SH3RF3: variants seen among roughly 807,000 people sequenced by gnomAD.
SH3RF3 encodes the protein E3 ubiquitin-protein ligase SH3RF3.
Under a neutral mutation model 66.3 loss-of-function variants are expected in SH3RF3, and 29 were observed. The observed-to-expected ratio is 0.44, with a 90% CI of 0.33 to 0.60. The LOEUF is 0.60. Ranked by LOEUF, SH3RF3 falls within the 20% of genes least tolerant of loss-of-function variation. The pLI, the probability that SH3RF3 is intolerant of heterozygous loss-of-function variation, is 0.04. For synonymous variants in SH3RF3, 583 were observed against 532.0 expected (o/e 1.10, Z -1.32); for missense variants, 1,194 against 1,190.9 (o/e 1.00, Z -0.04).
chr2:109,426,624 T>A (rs1273426674), intron 5 of SH3RF3, among the ~76,000 whole-genome samples: 2 of 152,180 alleles, frequency 1.3e-5, no homozygotes, highest in Non-Finnish European at 2.9e-5. Flanking sequence ...GGGAACATCA[T>A]TGAAATGACA....
chr2:109,313,732 G>A (rs1206158644), intron 1 of SH3RF3: 1 of 155,012 alleles, frequency 6.5e-6, no homozygotes, highest in Non-Finnish European at 1.5e-5. Flanking sequence ...TGTGCCTTGA[G>A]CTGAAAGGTG....
At chr2:109,349,035 C>T (rs1163051744) in intron 2 of SH3RF3, among the ~76,000 whole-genome samples, 1 of 152,152 alleles carries the variant, frequency 6.6e-6, no homozygotes, top group Non-Finnish European at 1.5e-5. Context: ...CTCTCTCTCT[C>T]TCACACACAC....
intron 8 of SH3RF3, 81 bp from the exon 9 acceptor site, chr2:109,490,524 A>G: frequency 8.8e-7 from 1 of 1,137,882 alleles, no homozygotes; most frequent in East Asian, 2.9e-5. Context: ...TCCACATAGG[A>G]AGATGCATTC....
chr2:109,288,052 C>G (rs894184011), intron 1 of SH3RF3, among the ~76,000 whole-genome samples: 5 of 152,196 alleles, frequency 3.3e-5, no homozygotes, highest in African/African-American at 1.2e-4. Context: ...TTGAGCTGTC[C>G]CATTGTCACA....
chr2:109,243,788 G>A (rs1679845755), intron 1 of SH3RF3, among the ~76,000 whole-genome samples: 1 of 152,186 alleles, frequency 6.6e-6, no homozygotes, highest in African/African-American at 2.4e-5. Flanking sequence ...AAGGAGTTTG[G>A]GACATGTTCT....
At chr2:109,157,746 T>C (rs935474282) in intron 1 of SH3RF3, among the ~76,000 whole-genome samples, 1 of 152,198 alleles carries the variant, frequency 6.6e-6, no homozygotes, top group African/African-American at 2.4e-5. Context: ...TACAAATTTC[T>C]TGATGTCATC....
chr2:109,485,725 G>C (rs1361910684), intron 8 of SH3RF3, among the ~76,000 whole-genome samples: 1 of 152,286 alleles, frequency 6.6e-6, no homozygotes, highest in Non-Finnish European at 1.5e-5. Flanking sequence ...GTGACTGTGA[G>C]TGTGTAAGCA....
intron 3 of SH3RF3, among the ~76,000 whole-genome samples, chr2:109,384,328 C>T (rs984288080): frequency 5.3e-5 from 8 of 152,122 alleles, no homozygotes; most frequent in African/African-American, 1.9e-4. Flanking sequence ...AAAGTAACAC[C>T]AGGAGAGGAG....
At chr2:109,288,874 C>G (rs1681098872) in intron 1 of SH3RF3, among the ~76,000 whole-genome samples, 1 of 152,120 alleles carries the variant, frequency 6.6e-6, no homozygotes, top group African/African-American at 2.4e-5. Flanking sequence ...GATGGGTGTT[C>G]CGTAAAGAAA....
At chr2:109,145,930 C>G (rs1363650792) in intron 1 of SH3RF3, among the ~76,000 whole-genome samples, 1 of 152,130 alleles carries the variant, frequency 6.6e-6, no homozygotes, top group African/African-American at 2.4e-5. Context: ...TGCCTGGGTT[C>G]ATGTCTCCCT....
chr2:109,381,368 A>G lies in SH3RF3; in HGVS notation c.945+9687A>G, dbSNP rs556264531. 1.2e-3 allele frequency among the ~76,000 whole-genome samples: 178 copies of G among 152,300 alleles called. 1 individual carries two copies. Among genetic ancestry groups the G allele is most frequent in the South Asian group, 3.9e-3 (19 of 4,826 alleles). On this transcript the variant is annotated intron_variant, in intron 3 of 9. Transcript: ENST00000309415. Reference sequence around the variant, plus strand: ...AGTGCACTTTCCACTGAGCAGGTCAATGGCGGGGTTACTTTTACACCTAAC... The same window carrying G: ...AGTGCACTTTCCACTGAGCAGGTCAGTGGCGGGGTTACTTTTACACCTAAC...
At chr2:109,285,298 T>C (rs1681006665) in intron 1 of SH3RF3, among the ~76,000 whole-genome samples, 1 of 152,176 alleles carries the variant, frequency 6.6e-6, no homozygotes, top group African/African-American at 2.4e-5. Context: ...CCTCATAACC[T>C]CCTGGGAAGC....
At chr2:109,203,412 G>A (rs571767942) in intron 1 of SH3RF3, among the ~76,000 whole-genome samples, 1 of 152,160 alleles carries the variant, frequency 6.6e-6, no homozygotes, top group Non-Finnish European at 1.5e-5. Flanking sequence ...CCCTACGAGC[G>A]CATCACCTGT....
rs375027398 is a variant in SH3RF3 at position 109,275,634 on chromosome 2, G to A, written c.574-72040G>A. Among the ~76,000 whole-genome samples, 27 of 152,328 alleles carry A rather than the reference G, an allele frequency of 1.8e-4. No homozygotes were observed. The South Asian group carries it at 5.6e-3, about 32-fold the overall frequency. On this transcript the variant is annotated intron_variant, in intron 1 of 9. Transcript: ENST00000309415. ...TTCCTGCCCTGCCTGGGGAACGGTT[G>A]CACTTCCAAGTTCAAGGATTAGCTG...
chr2:109,187,277 G>A (rs138192262), intron 1 of SH3RF3, among the ~76,000 whole-genome samples: 52 of 152,084 alleles, frequency 3.4e-4, no homozygotes, highest in African/African-American at 1.2e-3. Flanking sequence ...AAAACTCTTC[G>A]ATCTGATGTG....
Position 109,413,438 on chromosome 2 carries a change from C to A in SH3RF3, c.1300-6101C>A, listed in dbSNP as rs371630896. Among the ~76,000 whole-genome samples, 12 of 152,286 alleles carry A rather than the reference C, an allele frequency of 7.9e-5. No homozygotes were observed. In the East Asian group the frequency reaches 2.1e-3, roughly 27 times the overall value. ...CTGTCTGGTTATTTTAGGATTCATT[C>A]TTAACAGGAAACTGCCGGGGCTACA... is the stretch of plus-strand genomic sequence containing the variant. On this transcript the variant is annotated intron_variant, in intron 4 of 9. Transcript: ENST00000309415.
intron 5 of SH3RF3, among the ~76,000 whole-genome samples, chr2:109,430,639 T>A (rs1677182215): frequency 6.6e-6 from 1 of 152,222 alleles, no homozygotes; most frequent in African/African-American, 2.4e-5. Flanking sequence ...CAGTTGTTTG[T>A]CATTTTCACT....
chr2:109,175,143 C>T lies in SH3RF3; in HGVS notation c.573+45030C>T, dbSNP rs572597515. 1.1e-3 allele frequency among the ~76,000 whole-genome samples: 163 copies of T among 152,240 alleles called. 1 individual carries two copies. The highest frequency in any genetic ancestry group is 3.7e-3 in the African/African-American group (152 of 41,538). ...CTGGTCATTATCAGTCCCACTAAAC[C>T]GGGACCTAGTCCTGGTCCAGACTAG... is the stretch of plus-strand genomic sequence containing the variant. On this transcript the variant is annotated intron_variant, in intron 1 of 9. Coordinates refer to ENST00000309415, the MANE Select transcript of SH3RF3 (RefSeq NM_001099289.3).
At chr2:109,375,902 G>C (rs551457227) in intron 3 of SH3RF3, among the ~76,000 whole-genome samples, 1 of 152,358 alleles carries the variant, frequency 6.6e-6, no homozygotes, top group East Asian at 1.9e-4. Context: ...GAGCAGACCT[G>C]GCTGGGCCCA....
Sources: allele counts gnomAD v4.1 joint callset (sites outside exome capture counted in the v4.1 genomes callset), GRCh38; gene constraint gnomAD v4.1.1; transcripts MANE v1.5; gene names NCBI Gene and HGNC (gene_info 2026-07-23, HGNC 2026-07-21).